Variants in S100PBP observed in about 807,000 individuals in gnomAD.
S100PBP encodes S100P-binding protein.
In S100PBP, 15 loss-of-function variants were observed where a neutral mutation model predicts 39.9. The ratio of observed to expected loss-of-function variants is 0.38; its 90% CI spans 0.25 to 0.58. S100PBP has a LOEUF of 0.58. Ranked by LOEUF, S100PBP falls within the 20% of genes least tolerant of loss-of-function variation. The pLI is 0.70. For missense variants in S100PBP, 504 were observed against 487.3 expected, an observed-to-expected ratio of 1.03 and a Z score of -0.32; for synonymous variants, 178 against 180.3, an observed-to-expected ratio of 0.99 and a Z score of 0.10.
At chr1:32,825,087 A>G (rs77044850) in intron 1 of S100PBP, 110 of 152,256 alleles carry the variant, frequency 7.2e-4, no homozygotes, top group African/African-American at 2.5e-3. Context: ...TTAAGAAAGT[A>G]CAAATTGTTG....
intron 1 of S100PBP, among the ~76,000 whole-genome samples, chr1:32,823,809 G>C (rs891228936): frequency 6.6e-6 from 1 of 152,154 alleles, no homozygotes; most frequent in East Asian, 1.9e-4. Flanking sequence ...ACATTATGAG[G>C]GCAGGAGCTA....
chr1:32,819,137 T>C (rs1156334053), intron 1 of S100PBP, among the ~76,000 whole-genome samples: 2 of 148,194 alleles, frequency 1.3e-5, no homozygotes, highest in African/African-American at 5.0e-5. Flanking sequence ...AGAGAGGGGG[T>C]GGTAAACTGA....
At chr1:32,829,365 TACTC>T (rs1639485638) in intron 4 of S100PBP, among the ~76,000 whole-genome samples, 1 of 152,244 alleles carries the variant, frequency 6.6e-6, no homozygotes, top group Non-Finnish European at 1.5e-5. Flanking sequence ...AACCTTGAAT[TACTC>T]AATAAATACT....
In S100PBP at chr1:32,835,700, A is replaced by G. The variant is rs373500119; in HGVS notation, c.1024+5633A>G. ...TTATTTCGTTTAGTATAATGTCTTCAAGATTTACCCATTGTGGCATGTGAC... is the reference window on the plus strand; with the variant it reads ...TTATTTCGTTTAGTATAATGTCTTCGAGATTTACCCATTGTGGCATGTGAC... On this transcript the variant is annotated intron_variant, in intron 5 of 6. Transcript: ENST00000373475. 5 of 152,224 alleles carry G rather than the reference A, an allele frequency of 3.3e-5. No homozygotes were observed. The East Asian group carries it at 5.8e-4, about 18-fold the overall frequency. 9.4% of individuals were successfully genotyped at this position (152,224 alleles called of 1,614,324 possible). A position where few individuals can be genotyped will look rare whatever the true frequency, so the allele number is the denominator to read the frequency against.
At chr1:32,831,073 C>CT (rs1569865172) in intron 5 of S100PBP, among the ~76,000 whole-genome samples, 1 of 74,064 alleles carries the variant, frequency 1.4e-5, no homozygotes, top group African/African-American at 6.7e-5. Context: ...GAATGAGACT[C>CT]TGTCTCAAAA....
In S100PBP at chr1:32,854,785, T is replaced by C. The variant is rs184336137; in HGVS notation, c.1113-1139T>C. Among the ~76,000 whole-genome samples, 4 of 152,338 alleles carry C rather than the reference T, an allele frequency of 2.6e-5. No individual in the cohort carries two copies. The East Asian group carries it at 5.8e-4, about 22-fold the overall frequency. ...TCACCGACCTCATCTCCTAATACTCTTCCTCTTGCTTCAGGGCCTTTACAG... is the reference window on the plus strand; with the variant it reads ...TCACCGACCTCATCTCCTAATACTCCTCCTCTTGCTTCAGGGCCTTTACAG... On this transcript the variant is annotated intron_variant, in intron 6 of 6. Coordinates refer to ENST00000373475, the MANE Select transcript of S100PBP (RefSeq NM_022753.4).
chr1:32,847,582 A>G (rs1236839198), intron 5 of S100PBP: 1 of 152,184 alleles, frequency 6.6e-6, no homozygotes, highest in African/African-American at 2.4e-5. Flanking sequence ...TGTTGAGGAC[A>G]TTCATATATC....
At chr1:32,824,301 C>A (rs1489721769) in intron 1 of S100PBP, among the ~76,000 whole-genome samples, 1 of 151,660 alleles carries the variant, frequency 6.6e-6, no homozygotes, top group Non-Finnish European at 1.5e-5. Flanking sequence ...GTTAACAAGG[C>A]TACAAGTACT....
intron 6 of S100PBP, among the ~76,000 whole-genome samples, chr1:32,854,016 T>G (rs1315482485): frequency 6.6e-6 from 1 of 152,226 alleles, no homozygotes; most frequent in East Asian, 1.9e-4. Flanking sequence ...TTTTTTTTTT[T>G]TAAGACTCAA....
intron 1 of S100PBP, chr1:32,818,627 A>G (rs1196612799): frequency 6.6e-6 from 1 of 152,268 alleles, no homozygotes; most frequent in Non-Finnish European, 1.5e-5. Flanking sequence ...CTCTGTGTCC[A>G]TGTGGGAGGA....
At chr1:32,828,369 TCTC>T (rs1251852685) in intron 4 of S100PBP, among the ~76,000 whole-genome samples, 20 of 152,094 alleles carry the variant, frequency 1.3e-4, no homozygotes, top group Non-Finnish European at 2.2e-4. Context: ...TAAGATATCT[TCTC>T]CTGTGCATGG....
intron 5 of S100PBP, among the ~76,000 whole-genome samples, chr1:32,830,847 A>T (rs1639565432): frequency 1.3e-5 from 2 of 152,136 alleles, no homozygotes; most frequent in Non-Finnish European, 2.9e-5. Flanking sequence ...GGAGTTTAAG[A>T]CCAGCCTGGC....
intron 6 of S100PBP, among the ~76,000 whole-genome samples, chr1:32,854,367 G>T (rs1640741998): frequency 6.6e-6 from 1 of 152,094 alleles, no homozygotes; most frequent in African/African-American, 2.4e-5. Flanking sequence ...TAAATGCTAT[G>T]CAAATAGTTG....
At chr1:32,837,180 A>G (rs1323045681) in intron 5 of S100PBP, 1 of 140,256 alleles carries the variant, frequency 7.1e-6, no homozygotes, top group Non-Finnish European at 1.5e-5. Context: ...AAAAAAAAAG[A>G]AATTTGAAGA....
intron 5 of S100PBP, among the ~76,000 whole-genome samples, chr1:32,842,227 A>ATATG (rs1640143817): frequency 1.3e-5 from 1 of 78,242 alleles, no homozygotes; most frequent in African/African-American, 6.5e-5. Context: ...ATATGTATAT[A>ATATG]TATATATATA....
intron 5 of S100PBP, among the ~76,000 whole-genome samples, chr1:32,845,297 G>T (rs950320592): frequency 6.6e-6 from 1 of 152,094 alleles, no homozygotes; most frequent in East Asian, 1.9e-4. Flanking sequence ...GACAGTAGCC[G>T]AGTGTTGTGG....
intron 1 of S100PBP, among the ~76,000 whole-genome samples, chr1:32,822,394 CCT>C (rs1639113407): frequency 6.6e-6 from 1 of 151,898 alleles, no homozygotes. Flanking sequence ...GGGCGGATCA[CCT>C]GAGGTCAGGA....
chr1:32,838,797 C>T (rs184433981), intron 5 of S100PBP, among the ~76,000 whole-genome samples: 1 of 151,068 alleles, frequency 6.6e-6, no homozygotes, highest in East Asian at 1.9e-4. Flanking sequence ...GAGCTGAGAT[C>T]ATGCCATTGC....
At chr1:32,854,110 C>CTTTTTT (rs1488295091) in intron 6 of S100PBP, among the ~76,000 whole-genome samples, 63 of 152,114 alleles carry the variant, frequency 4.1e-4, no homozygotes, top group Admixed American at 2.7e-3. Context: ...TACTCAAAAA[C>CTTTTTT]CTTGGAATCA....
Sources: gnomAD v4.1 joint callset for allele counts (sites outside exome capture counted in the v4.1 genomes callset) on GRCh38, gnomAD v4.1.1 for gene constraint, MANE v1.5 for transcripts, NCBI Gene and HGNC (gene_info 2026-07-23, HGNC 2026-07-21) for gene names.